The following PARD3 variants were observed in gnomAD, a reference collection of about 807,000 sequenced individuals.
PARD3 encodes the protein partitioning defective 3 homolog.
In PARD3, 75 loss-of-function variants were observed where a neutral mutation model predicts 155.4. The ratio of observed to expected loss-of-function variants is 0.48; its 90% CI spans 0.40 to 0.58. The LOEUF (loss-of-function observed/expected upper bound fraction) is 0.58, where lower values mean the gene tolerates loss of function less well. Ranked by LOEUF, PARD3 falls within the 20% of genes least tolerant of loss-of-function variation. PARD3 has a pLI of 0.00. For synonymous variants in PARD3, 576 were observed against 610.5 expected (o/e 0.94, Z 0.83); for missense variants, 1,642 against 1,721.7 (o/e 0.95, Z 0.82).
intron 2 of PARD3, among the ~76,000 whole-genome samples, chr10:34,556,421 C>T (rs1261322167): frequency 3.3e-5 from 5 of 149,300 alleles, no homozygotes; most frequent in Admixed American, 2.0e-4. Flanking sequence ...CTTGCTCTGT[C>T]GCCCAGGCTA....
intron 5 of PARD3, among the ~76,000 whole-genome samples, chr10:34,406,544 C>A (rs1359048397): frequency 6.6e-6 from 1 of 152,158 alleles, no homozygotes; most frequent in Non-Finnish European, 1.5e-5. Flanking sequence ...TCTAAAAGTT[C>A]TTTCATTCCC....
At chr10:34,763,256 G>A (rs952399993) in intron 1 of PARD3, among the ~76,000 whole-genome samples, 3 of 152,194 alleles carry the variant, frequency 2.0e-5, no homozygotes, top group Non-Finnish European at 4.4e-5. Flanking sequence ...ATAATTTTCT[G>A]AGCCTTGAGC....
intron 22 of PARD3, among the ~76,000 whole-genome samples, chr10:34,203,755 G>A (rs1021777664): frequency 7.9e-5 from 12 of 152,174 alleles, no homozygotes; most frequent in African/African-American, 1.9e-4. Flanking sequence ...AATGCAGAGG[G>A]CCGACTGTAT....
chr10:34,368,564 CAGG>C (rs979931001), intron 12 of PARD3, among the ~76,000 whole-genome samples: 4 of 152,030 alleles, frequency 2.6e-5, no homozygotes, highest in African/African-American at 9.6e-5. Context: ...CCCAGCTACT[CAGG>C]AGGCTGAGGC....
At chr10:34,547,074 A>G (rs2084138300) in intron 2 of PARD3, among the ~76,000 whole-genome samples, 1 of 152,214 alleles carries the variant, frequency 6.6e-6, no homozygotes, top group East Asian at 1.9e-4. Context: ...CCTAGACCAC[A>G]ACGGCTGATG....
intron 22 of PARD3, among the ~76,000 whole-genome samples, chr10:34,255,990 C>G (rs950279182): frequency 1.3e-5 from 2 of 151,842 alleles, no homozygotes; most frequent in African/African-American, 4.8e-5. Context: ...TGAATCACAT[C>G]AAAACAAAAT....
At chr10:34,803,187 C>T (rs1029511368) in intron 1 of PARD3, among the ~76,000 whole-genome samples, 1 of 150,298 alleles carries the variant, frequency 6.7e-6, no homozygotes, top group African/African-American at 2.5e-5. Context: ...TGCAGTGAGC[C>T]GAGATCAAAC....
chr10:34,756,197 A>G (rs181738183), intron 1 of PARD3, among the ~76,000 whole-genome samples: 13 of 115,030 alleles, frequency 1.1e-4, no homozygotes, highest in Middle Eastern at 8.5e-3. Flanking sequence ...TCTGCTGCCC[A>G]GACTGGAGTG....
intron 22 of PARD3, among the ~76,000 whole-genome samples, chr10:34,178,626 C>T (rs1181221797): frequency 6.6e-6 from 1 of 152,170 alleles, no homozygotes; most frequent in Non-Finnish European, 1.5e-5. Flanking sequence ...CAGACTGGTC[C>T]TGCCTCCATT....
intron 2 of PARD3, among the ~76,000 whole-genome samples, chr10:34,624,240 A>C (rs2091864965): frequency 6.6e-6 from 1 of 152,192 alleles, no homozygotes; most frequent in African/African-American, 2.4e-5. Context: ...TAACAAGTTA[A>C]ACGGCCCTTT....
chr10:34,529,462 G>A (rs1218581120), intron 2 of PARD3, among the ~76,000 whole-genome samples: 2 of 152,176 alleles, frequency 1.3e-5, no homozygotes, highest in Admixed American at 1.3e-4. Context: ...AAGGACACAT[G>A]TGCATTATCA....
At chr10:34,724,090 C>T (rs992188965) in intron 1 of PARD3, among the ~76,000 whole-genome samples, 4 of 152,160 alleles carry the variant, frequency 2.6e-5, no homozygotes, top group Non-Finnish European at 4.4e-5. Flanking sequence ...ATGGAAACTT[C>T]GTATGGAGCA....
chr10:34,451,764 T>C (rs923536855), intron 4 of PARD3, among the ~76,000 whole-genome samples: 8 of 141,596 alleles, frequency 5.6e-5, no homozygotes, highest in Admixed American at 4.9e-4. Flanking sequence ...GATGAAACTT[T>C]AGCAGCAAGT....
At chr10:34,385,909 C>G (rs936799839) in intron 7 of PARD3, among the ~76,000 whole-genome samples, 1 of 152,122 alleles carries the variant, frequency 6.6e-6, no homozygotes, top group African/African-American at 2.4e-5. Flanking sequence ...CTGAGGCAAA[C>G]AAGTCTATTT....
chr10:34,430,277 C>T (rs1250871470), intron 5 of PARD3, among the ~76,000 whole-genome samples: 3 of 152,138 alleles, frequency 2.0e-5, no homozygotes, highest in Admixed American at 2.0e-4. Flanking sequence ...AAAGATAATA[C>T]TGATCATACA....
At chr10:34,635,661 G>C (rs921751237) in intron 2 of PARD3, among the ~76,000 whole-genome samples, 1 of 152,196 alleles carries the variant, frequency 6.6e-6, no homozygotes, top group Non-Finnish European at 1.5e-5. Flanking sequence ...AACACTCGAT[G>C]AGATACTTGT....
At chr10:34,711,162 C>A (rs1307137833) in intron 1 of PARD3, among the ~76,000 whole-genome samples, 1 of 151,976 alleles carries the variant, frequency 6.6e-6, no homozygotes, top group East Asian at 1.9e-4. Context: ...GGGTAACACA[C>A]CCAAACCCCT....
chr10:34,611,024 C>T (rs1010753160), intron 2 of PARD3, among the ~76,000 whole-genome samples: 3 of 152,050 alleles, frequency 2.0e-5, no homozygotes, highest in Non-Finnish European at 4.4e-5. Context: ...TTAAAAAATA[C>T]CTAGTTGCTG....
At chr10:34,486,394 A>G (rs1017020825) in intron 3 of PARD3, among the ~76,000 whole-genome samples, 1 of 152,176 alleles carries the variant, frequency 6.6e-6, no homozygotes, top group Non-Finnish European at 1.5e-5. Context: ...TTTTGTTTAC[A>G]GTCTGTTTTG....
Sources: allele counts gnomAD v4.1 joint callset (sites outside exome capture counted in the v4.1 genomes callset), GRCh38; gene constraint gnomAD v4.1.1; transcripts MANE v1.5; gene names NCBI Gene and HGNC (gene_info 2026-07-23, HGNC 2026-07-21).